Variants in UBE2O observed in about 807,000 individuals in gnomAD.
UBE2O encodes ubiquitin conjugating enzyme E2 O, also known as (E3-independent) E2 ubiquitin-conjugating enzyme.
Under a neutral mutation model 125.8 loss-of-function variants are expected in UBE2O, and 15 were observed. The ratio of observed to expected loss-of-function variants is 0.12; its 90% confidence interval spans 0.08 to 0.18. The LOEUF (loss-of-function observed/expected upper bound fraction) is 0.18, where lower values mean the gene tolerates loss of function less well. Ranked by LOEUF, UBE2O falls within the 10% of genes least tolerant of loss-of-function variation. The probability of loss-of-function intolerance (pLI) is 1.00; values close to 1 mark genes in which losing one functional copy is unlikely to be tolerated. For missense variants in UBE2O, 1,280 were observed against 1,723.6 expected, an observed-to-expected ratio of 0.74 and a Z score of 4.56; for synonymous variants, 708 against 703.2, an observed-to-expected ratio of 1.01 and a Z score of -0.11.
At chr17:76,424,255 C>T (rs565127991) in intron 1 of UBE2O, among the ~76,000 whole-genome samples, 3 of 135,112 alleles carry the variant, frequency 2.2e-5, no homozygotes, top group Non-Finnish European at 4.7e-5. Flanking sequence ...GTTGCCCAGC[C>T]TGGAGTGCAA....
chr17:76,391,026 T>TG lies in UBE2O; in HGVS notation c.3795dup (p.Ile1266HisfsTer91). 2 of 1,613,950 alleles carry TG rather than the reference T, an allele frequency of 1.2e-6. No individual in the cohort carries two copies. The highest frequency in any genetic ancestry group is 1.7e-6 in the Non-Finnish European group (2 of 1,180,020). On this transcript the variant is annotated frameshift_variant, in exon 18 of 18. Coordinates refer to ENST00000319380, the MANE Select transcript of UBE2O (RefSeq NM_022066.4). LOFTEE classifies it high-confidence loss of function. The surrounding 1 kb of genome is among the most constrained non-coding windows in gnomAD (Gnocchi z 8.4). ...GTCAGGACACCCCGGATGCTCTTGA[T>TG]GAAACCCTTGGAAAGTGGGAAGAGG...
intron 1 of UBE2O, among the ~76,000 whole-genome samples, chr17:76,433,550 T>C (rs983059161): frequency 4.6e-5 from 7 of 151,618 alleles, no homozygotes; most frequent in African/African-American, 1.7e-4. Context: ...TAAAAACCAC[T>C]TGAACTGCAC....
At position 76,399,880 on chromosome 17, in the gene UBE2O, T is replaced by C; in HGVS notation, c.1197A>G (p.Ser399=). ...GGGAACACTGGGTGTCTGGGGAGCATGACATGATCCGCACAACCTGCTTCT... is the reference window on the plus strand; with the variant it reads ...GGGAACACTGGGTGTCTGGGGAGCACGACATGATCCGCACAACCTGCTTCT... ...LLKKQVVRIM[S]CSPDTQCSRD... The change falls in exon 9 of 18, where the codon TCA becomes TCG. Residue 399 remains serine (S), a synonymous_variant. Coordinates refer to ENST00000319380, the MANE Select transcript of UBE2O (RefSeq NM_022066.4). This position sits in a 1 kb window ranked among gnomAD's most constrained non-coding sequence, Gnocchi z 6.9. The C allele has an allele frequency of 5.0e-6, 8 of 1,612,736 alleles. No individual in the cohort carries two copies. Among genetic ancestry groups the C allele is most frequent in the Non-Finnish European group, 6.8e-6 (8 of 1,179,358 alleles).
In UBE2O at chr17:76,402,717, A is replaced by AG. The variant is rs1354347500; in HGVS notation, c.589-19dup. 1 of 1,599,844 alleles carries AG rather than the reference A, an allele frequency of 6.3e-7. No homozygotes were observed. On this transcript the variant is annotated intron_variant, in intron 3 of 17. Transcript: ENST00000319380. This position sits in a 1 kb window ranked among gnomAD's most constrained non-coding sequence, Gnocchi z 5.4. ...ATGAAGGGCTGCAGACCAAGGAGGC[A>AG]GGGGCAGTGAGACACAGCAGACAAC...
intron 1 of UBE2O, among the ~76,000 whole-genome samples, chr17:76,451,332 T>C (rs908964494): frequency 6.6e-6 from 1 of 152,224 alleles, no homozygotes; most frequent in Non-Finnish European, 1.5e-5. Flanking sequence ...ATTTTCCAAA[T>C]ACTCTTGTAA....
intron 1 of UBE2O, among the ~76,000 whole-genome samples, chr17:76,412,948 C>T (rs1222642825): frequency 1.3e-5 from 2 of 152,138 alleles, no homozygotes; most frequent in African/African-American, 4.8e-5. Context: ...GCGGAGGTTG[C>T]AGTGAGCCGA....
chr17:76,391,461 C>CGGG lies in UBE2O; in HGVS notation c.3358_3360dup (p.Pro1120dup). The CGGG allele has an allele frequency of 2.5e-6, 4 of 1,613,768 alleles. No individual in the cohort carries two copies. The highest frequency in any genetic ancestry group is 2.5e-6 in the Non-Finnish European group (3 of 1,180,030). ...TGCCTGATCTCCTGCTCAAAGACCT[C>CGGG]GGGGGGCCGCCGCACCAGCTGGGTC... On this transcript the variant is annotated inframe_insertion, in exon 18 of 18. Transcript: ENST00000319380. The surrounding 1 kb of genome is among the most constrained non-coding windows in gnomAD (Gnocchi z 8.4).
chr17:76,429,313 G>A (rs1285857193), intron 1 of UBE2O, among the ~76,000 whole-genome samples: 3 of 151,852 alleles, frequency 2.0e-5, no homozygotes, highest in Non-Finnish European at 4.4e-5. Flanking sequence ...AGGCTGAGGT[G>A]GGCAGATCAC....
At position 76,453,034 on chromosome 17, in the gene UBE2O, C is replaced by G; in HGVS notation, c.108G>C (p.Pro36=). ...PAPAAAPVPA[P]APASDSASGP... ...CGGAGGCCGAGTCCGAGGCGGGCGC[C>G]GGCGCCGGGACGGGGGCTGCGGCTG... The change falls in exon 1 of 18, where the codon CCG becomes CCC. Residue 36 remains proline (P), a synonymous_variant. Coordinates refer to ENST00000319380, the MANE Select transcript of UBE2O (RefSeq NM_022066.4). The G allele has an allele frequency of 7.0e-7, 1 of 1,431,564 alleles. No individual in the cohort carries two copies. The allele number at this position is 1,431,564 out of a possible 1,614,324, so 88.7% of individuals were successfully genotyped here. A position where few individuals can be genotyped will look rare whatever the true frequency, so the allele number is the denominator to read the frequency against.
In UBE2O at chr17:76,396,652, G is replaced by A; in HGVS notation, c.2285C>T (p.Pro762Leu). The A allele has an allele frequency of 1.2e-6, 2 of 1,613,614 alleles. No homozygotes were observed. Among genetic ancestry groups the A allele is most frequent in the Non-Finnish European group, 8.5e-7 (1 of 1,179,990 alleles). Residue 762 changes from proline to leucine, a missense_variant, in exon 14 of 18, where the codon CCC (proline) becomes CTC (leucine). Pro to Leu is a moderately conservative substitution (Grantham distance 98). Around this residue, in one of 10 missense-constraint regions of UBE2O, gnomAD observed 210 missense variants for 268.9 expected, o/e 0.78. Transcript: ENST00000319380. This position sits in a 1 kb window ranked among gnomAD's most constrained non-coding sequence, Gnocchi z 6.7. ...CTCAGGGGCCACCGGCTGCTCCAGG[G>A]GTGGGATGGGGGGCTCCTCTATCTT... ...HPKIEEPPIPPLEQPVAPEDK... is the reference protein window; with the variant it reads ...HPKIEEPPIPLLEQPVAPEDK...
In UBE2O at chr17:76,399,942, G is replaced by A; in HGVS notation, c.1156-21C>T. ...TTCACCTGCAAGGGCGGAGCAGAGA[G>A]GACAGGGCTGTGAGGTGCACCTGGG... On this transcript the variant is annotated intron_variant, in intron 8 of 17. Coordinates refer to ENST00000319380, the MANE Select transcript of UBE2O (RefSeq NM_022066.4). The surrounding 1 kb of genome is among the most constrained non-coding windows in gnomAD (Gnocchi z 6.9). The A allele has an allele frequency of 1.3e-6, 2 of 1,581,552 alleles. No homozygotes were observed. Among genetic ancestry groups the A allele is most frequent in the Non-Finnish European group, 1.7e-6 (2 of 1,164,060 alleles).
chr17:76,423,893 G>A (rs1598608224), intron 1 of UBE2O, among the ~76,000 whole-genome samples: 2 of 81,948 alleles, frequency 2.4e-5, no homozygotes. Context: ...TCCAGGTTGG[G>A]TTCTTTTTTT....
chr17:76,413,598 A>T (rs1256422282), intron 1 of UBE2O, among the ~76,000 whole-genome samples: 2 of 152,100 alleles, frequency 1.3e-5, no homozygotes, highest in African/African-American at 4.8e-5. Flanking sequence ...TAAAATGTGT[A>T]TTTTACCGTG....
rs1424285442 is a variant in UBE2O at position 76,400,649 on chromosome 17, TG to T, written c.895-100del. Reference sequence around the variant, plus strand: ...CCACTTGACCTCCAGAGCAGGAAACTGATCTTCCTAGTGCAGCACCAAGTAC... The same window carrying T: ...CCACTTGACCTCCAGAGCAGGAAACTATCTTCCTAGTGCAGCACCAAGTAC... On this transcript the variant is annotated intron_variant, in intron 6 of 17. Transcript: ENST00000319380. The surrounding 1 kb of genome is among the most constrained non-coding windows in gnomAD (Gnocchi z 4.3). The T allele has an allele frequency of 1.3e-5, 10 of 791,844 alleles. No individual in the cohort carries two copies. The East Asian group carries it at 2.7e-4, about 21-fold the overall frequency. The allele number at this position is 791,844 out of a possible 1,614,324, so 49.1% of individuals were successfully genotyped here.
At chr17:76,420,943 C>G (rs565405672) in intron 1 of UBE2O, among the ~76,000 whole-genome samples, 27 of 152,304 alleles carry the variant, frequency 1.8e-4, no homozygotes, top group African/African-American at 6.3e-4. Flanking sequence ...TTCAGCCCCC[C>G]ACATCCCTGC....
chr17:76,448,321 T>C lies in UBE2O; in HGVS notation c.417+4404A>G, dbSNP rs893410344. ...TAGTCCTGCATCTTGGTTAACCTTA[T>C]ATAACTTCTTCACATTACATCACTA... On this transcript the variant is annotated intron_variant, in intron 1 of 17. Coordinates refer to ENST00000319380, the MANE Select transcript of UBE2O (RefSeq NM_022066.4). 3.3e-5 allele frequency among the ~76,000 whole-genome samples: 5 copies of C among 152,246 alleles called. No individual in the cohort carries two copies. The East Asian group carries it at 7.7e-4, about 23-fold the overall frequency.
At chr17:76,415,028 G>A (rs2072577596) in intron 1 of UBE2O, among the ~76,000 whole-genome samples, 1 of 152,204 alleles carries the variant, frequency 6.6e-6, no homozygotes, top group African/African-American at 2.4e-5. Context: ...TTCTGTTCTT[G>A]TCAGGCCTGA....
intron 1 of UBE2O, among the ~76,000 whole-genome samples, chr17:76,424,012 G>A (rs62084967): frequency 0.88 from 132,625 of 150,560 alleles, 58,527 homozygotes; most frequent in East Asian, 1. Flanking sequence ...AGTTCACGCC[G>A]TTCTCCTGCC....
Position 76,391,881 on chromosome 17 carries a change from C to T in UBE2O, c.3150+29G>A. Reference sequence around the variant, plus strand: ...TATCCACCAGTGGCTCTTCCTCCTTCTTGGCTGGGGGCCTGGCCCTATACT... The same window carrying T: ...TATCCACCAGTGGCTCTTCCTCCTTTTTGGCTGGGGGCCTGGCCCTATACT... On this transcript the variant is annotated intron_variant, in intron 16 of 17. Coordinates refer to ENST00000319380, the MANE Select transcript of UBE2O (RefSeq NM_022066.4). The surrounding 1 kb of genome is among the most constrained non-coding windows in gnomAD (Gnocchi z 8.4). The T allele has an allele frequency of 6.2e-7, 1 of 1,613,778 alleles. No individual in the cohort carries two copies. The highest frequency in any genetic ancestry group is 8.5e-7 in the Non-Finnish European group (1 of 1,179,850).
Sources: gnomAD v4.1 joint callset for allele counts (sites outside exome capture counted in the v4.1 genomes callset) on GRCh38, gnomAD v4.1.1 for gene constraint, gnomAD v4.1.1 regional missense constraint, Gnocchi (gnomAD v3.1) non-coding constraint, MANE v1.5 for transcripts, NCBI Gene and HGNC (gene_info 2026-07-23, HGNC 2026-07-21) for gene names.